The following DISC1 variants were observed in gnomAD, a reference collection of about 807,000 sequenced individuals.
The protein encoded by DISC1 is DISC1 scaffold protein.
A neutral mutation model predicts 84.5 loss-of-function variants in DISC1; 57 were observed. The observed-to-expected ratio is 0.67, with a 90% CI of 0.55 to 0.84. The LOEUF (loss-of-function observed/expected upper bound fraction) is 0.84. Ranked by LOEUF, DISC1 falls within the 40% of genes least tolerant of loss-of-function variation. The pLI is 0.00. For missense variants in DISC1, 1,000 were observed against 1,057.8 expected, an observed-to-expected ratio of 0.95 and a Z score of 0.76; for synonymous variants, 411 against 415.2, an observed-to-expected ratio of 0.99 and a Z score of 0.12.
At position 232,009,156 on chromosome 1, in the gene DISC1, C is replaced by T. The variant is rs1394265235; in HGVS notation, c.2307+107C>T. The T allele has an allele frequency of 6.6e-7, 1 of 1,513,588 alleles. No individual in the cohort carries two copies. The highest frequency in any genetic ancestry group is 1.8e-4 in the Middle Eastern group (1 of 5,408). The allele number at this position is 1,513,588 out of a possible 1,614,324, so 93.8% of individuals were successfully genotyped here. ...AATATTGGGAAGGCTTCCCATTGAG[C>T]ATATAAACTTTTAAAAGTTTCAATA... On this transcript the variant is annotated intron_variant, in intron 11 of 12. Coordinates refer to ENST00000439617, the MANE Select transcript of DISC1 (RefSeq NM_018662.3). The surrounding 1 kb of genome is among the most constrained non-coding windows in gnomAD (Gnocchi z 4.6).
chr1:232,018,281 T>C (rs1668660518), intron 11 of DISC1, among the ~76,000 whole-genome samples: 1 of 152,232 alleles, frequency 6.6e-6, no homozygotes, highest in African/African-American at 2.4e-5. Context: ...CCTTTGAATA[T>C]AAGCTCCAGT....
chr1:231,679,519 T>C (rs2063487744), intron 1 of DISC1, among the ~76,000 whole-genome samples: 1 of 152,232 alleles, frequency 6.6e-6, no homozygotes, highest in Non-Finnish European at 1.5e-5. Flanking sequence ...TAAAAATGTT[T>C]AGTTGCTTTC....
chr1:231,680,476 T>C (rs757734189), intron 1 of DISC1, among the ~76,000 whole-genome samples: 2 of 152,188 alleles, frequency 1.3e-5, no homozygotes, highest in African/African-American at 4.8e-5. Flanking sequence ...CACTATAACA[T>C]AGGAGTCGTG....
At chr1:232,027,076 A>T (rs1394910553) in intron 12 of DISC1, among the ~76,000 whole-genome samples, 1 of 152,154 alleles carries the variant, frequency 6.6e-6, no homozygotes, top group Non-Finnish European at 1.5e-5. Flanking sequence ...TAATTGCTAA[A>T]TCCAACCACT....
chr1:231,933,132 A>C (rs1483846462), intron 9 of DISC1, among the ~76,000 whole-genome samples: 1 of 152,098 alleles, frequency 6.6e-6, no homozygotes, highest in Non-Finnish European at 1.5e-5. Context: ...CCTTATAGAC[A>C]CTCTGTGAGG....
intron 10 of DISC1, among the ~76,000 whole-genome samples, chr1:231,986,844 AT>A (rs1435053107): frequency 6.6e-6 from 1 of 152,216 alleles, no homozygotes; most frequent in African/African-American, 2.4e-5. Flanking sequence ...TCTCATTCAA[AT>A]GACTGGCTGA....
At chr1:231,725,340 C>A (rs186844811) in intron 3 of DISC1, among the ~76,000 whole-genome samples, 4 of 152,170 alleles carry the variant, frequency 2.6e-5, no homozygotes, top group Non-Finnish European at 5.9e-5. Context: ...AAGAAACTGA[C>A]GCAAACCAGC....
rs769447635 is a variant in DISC1, at chr1:231,958,836, G to A, written c.1990G>A (p.Val664Met). The change falls in exon 10 of 13, where the codon GTG (valine) becomes ATG (methionine). Residue 664 changes from valine to methionine, a missense_variant. By Grantham distance (21) the Val-to-Met change is conservative (BLOSUM62 1). Transcript: ENST00000439617. ...EHQETAYETS[V>M]KENTMKYMET... ...TCCTTTTTTTCCCCCAGAAACAAGT[G>A]TGAAGGAAAATACTATGAAGTACAT... 1 of 1,613,644 alleles carries A rather than the reference G, an allele frequency of 6.2e-7. No individual in the cohort carries two copies. Among genetic ancestry groups the A allele is most frequent in the Admixed American group, 1.7e-5 (1 of 59,964 alleles).
chr1:231,655,573 CTT>C (rs1410883610), intron 1 of DISC1, among the ~76,000 whole-genome samples: 2 of 152,096 alleles, frequency 1.3e-5, no homozygotes, highest in African/African-American at 4.8e-5. Context: ...ATGCAGGTGT[CTT>C]TTTGATGTAA....
At chr1:232,024,496 G>A (rs1261451054) in intron 11 of DISC1, among the ~76,000 whole-genome samples, 4 of 152,026 alleles carry the variant, frequency 2.6e-5, no homozygotes, top group African/African-American at 7.2e-5. Flanking sequence ...GACTATTACC[G>A]CACCTGGGCA....
chr1:231,932,111 A>G (rs1286230937), intron 9 of DISC1, among the ~76,000 whole-genome samples: 2 of 152,182 alleles, frequency 1.3e-5, no homozygotes, highest in African/African-American at 4.8e-5. Flanking sequence ...GCGGACCATA[A>G]GAATGGGAGC....
intron 12 of DISC1, among the ~76,000 whole-genome samples, chr1:232,028,763 T>C (rs1669717702): frequency 6.6e-6 from 1 of 152,186 alleles, no homozygotes; most frequent in South Asian, 2.1e-4. Context: ...TCCAAGAACA[T>C]CCCATTTATA....
At chr1:231,922,087 A>G (rs2090046593) in intron 9 of DISC1, among the ~76,000 whole-genome samples, 1 of 152,106 alleles carries the variant, frequency 6.6e-6, no homozygotes, top group Non-Finnish European at 1.5e-5. Flanking sequence ...AGGCTTGGGA[A>G]TTTGGGTGAA....
At chr1:231,950,204 CTGTGTGTGTG>C (rs59801477) in intron 9 of DISC1, among the ~76,000 whole-genome samples, 131 of 139,522 alleles carry the variant, frequency 9.4e-4, no homozygotes, top group Admixed American at 2.3e-3. Flanking sequence ...AAAAAAAATT[CTGTGTGTGTG>C]TGTGTGTGTG....
At chr1:231,746,603 C>A (rs1431167209) in intron 3 of DISC1, among the ~76,000 whole-genome samples, 1 of 152,216 alleles carries the variant, frequency 6.6e-6, no homozygotes, top group East Asian at 1.9e-4. Context: ...CACATCCTTA[C>A]AAGCATTTGC....
chr1:231,878,864 A>G (rs1330906365), intron 9 of DISC1, among the ~76,000 whole-genome samples: 2 of 152,202 alleles, frequency 1.3e-5, no homozygotes, highest in Non-Finnish European at 2.9e-5. Context: ...GAAACTTTAT[A>G]TAAAGGGAGT....
intron 1 of DISC1, among the ~76,000 whole-genome samples, chr1:231,628,341 A>G (rs1034025942): frequency 4.6e-5 from 7 of 152,224 alleles, no homozygotes; most frequent in African/African-American, 1.7e-4. Context: ...TGCCTTTTGT[A>G]CTGATCGCAT....
At chr1:231,728,586 C>T (rs775418815) in intron 3 of DISC1, among the ~76,000 whole-genome samples, 10 of 152,206 alleles carry the variant, frequency 6.6e-5, no homozygotes, top group African/African-American at 1.2e-4. Flanking sequence ...AAGAGCCTAA[C>T]GGCCAAAGAT....
rs2081887645 is a variant in DISC1 at position 231,826,726 on chromosome 1, T to C, written c.1981+8209T>C. 6.6e-6 allele frequency among the ~76,000 whole-genome samples: 1 copy of C among 152,224 alleles called. No individual in the cohort carries two copies. Among genetic ancestry groups the C allele is most frequent in the African/African-American group, 2.4e-5 (1 of 41,462 alleles). On this transcript the variant is annotated intron_variant, in intron 9 of 12. Transcript: ENST00000439617. The surrounding 1 kb of genome is among the most constrained non-coding windows in gnomAD (Gnocchi z 4.2). Reference sequence around the variant, plus strand: ...TGACTTCAAACCAGTTTTTTGTATATTTTCAAATAACTGTTGCTAGTTCTG... The same window carrying C: ...TGACTTCAAACCAGTTTTTTGTATACTTTCAAATAACTGTTGCTAGTTCTG...
Sources: allele counts gnomAD v4.1 joint callset (sites outside exome capture counted in the v4.1 genomes callset), GRCh38; gene constraint gnomAD v4.1.1; non-coding constraint Gnocchi (gnomAD v3.1); transcripts MANE v1.5; gene names NCBI Gene and HGNC (gene_info 2026-07-23, HGNC 2026-07-21).